Variants in PAH observed in about 807,000 individuals in gnomAD.
The protein encoded by PAH is phenylalanine hydroxylase, also known as phenylalanine-4-hydroxylase.
PAH carries 64 observed loss-of-function variants against 62.0 expected under a neutral mutation model. The ratio of observed to expected loss-of-function variants is 1.03; its 90% CI spans 0.84 to 1.27. The LOEUF (loss-of-function observed/expected upper bound fraction) is 1.27. PAH is among the 50% of genes most tolerant of loss of function. The pLI, the probability that PAH is intolerant of heterozygous loss-of-function variation, is 0.00. For missense variants in PAH, 579 were observed against 542.8 expected (o/e 1.07, Z -0.66); for synonymous variants, 195 against 196.2 (o/e 0.99, Z 0.05).
rs1874475638 is a variant in PAH, at chr12:102,839,033, A to G, written c.*142T>C. 6.8e-6 allele frequency: 5 copies of G among 730,602 alleles called. No homozygotes were observed. The highest frequency in any genetic ancestry group is 1.2e-5 in the Non-Finnish European group (5 of 414,140). 45.3% of individuals were successfully genotyped at this position (730,602 alleles called of 1,614,324 possible). On this transcript the variant is annotated 3_prime_UTR_variant, in exon 13 of 13. Coordinates refer to ENST00000553106, the MANE Select transcript of PAH (RefSeq NM_000277.3). ...CTGTCATTTCAGATTATTTTGACTT[A>G]TTTGTTGTTTCTCCATCTTGTAAAG...
At chr12:102,895,867 A>AAAT (rs1877479428) in intron 2 of PAH, among the ~76,000 whole-genome samples, 1 of 126,284 alleles carries the variant, frequency 7.9e-6, no homozygotes, top group African/African-American at 3.8e-5. Context: ...AAAAAAAAAA[A>AAAT]AAATATATAT....
In PAH at chr12:102,899,858, C is replaced by CAAAAAAAA. The variant is rs1166069532; in HGVS notation, c.169-4948_169-4941dup. Among the ~76,000 whole-genome samples the CAAAAAAAA allele has an allele frequency of 3.8e-3, 36 of 9,538 alleles. 2 individuals are homozygous for CAAAAAAAA. Among genetic ancestry groups the CAAAAAAAA allele is most frequent in the Admixed American group, 8.2e-3 (3 of 364 alleles). The allele number at this position is 9,538 out of a possible 152,430, so 6.3% of individuals were successfully genotyped here. A position where few individuals can be genotyped will look rare whatever the true frequency, so the allele number is the denominator to read the frequency against. ...TGGGCGACAGAGCGAGACTCCGTCTCAAAAAAAAAAAAAAAAAAAAAAAAA... is the reference window on the plus strand; with the variant it reads ...TGGGCGACAGAGCGAGACTCCGTCTCAAAAAAAAAAAAAAAAAAAAAAAAAAAAAAAAA... On this transcript the variant is annotated intron_variant, in intron 2 of 12. Coordinates refer to ENST00000553106, the MANE Select transcript of PAH (RefSeq NM_000277.3).
chr12:102,924,856 T>A (rs190820929), intron 1 of PAH, among the ~76,000 whole-genome samples: 24 of 152,136 alleles, frequency 1.6e-4, no homozygotes, highest in Non-Finnish European at 2.6e-4. Context: ...TGTTGCCTAT[T>A]GTGCCCTGAA....
intron 1 of PAH, 45 bp from the exon 2 acceptor site, chr12:102,912,943 G>T (rs889531779): frequency 7.5e-7 from 1 of 1,325,324 alleles, no homozygotes; most frequent in Non-Finnish European, 1.1e-6. Flanking sequence ...CCACAGTTTA[G>T]CAATTCATTC....
At chr12:102,856,544 G>C (rs902571175) in intron 5 of PAH, among the ~76,000 whole-genome samples, 1 of 152,208 alleles carries the variant, frequency 6.6e-6, no homozygotes, top group Non-Finnish European at 1.5e-5. Flanking sequence ...TCTCAAGTGA[G>C]TCCCTGACCC....
At chr12:102,849,881 T>A (rs1210864407) in intron 8 of PAH, among the ~76,000 whole-genome samples, 3 of 152,184 alleles carry the variant, frequency 2.0e-5, no homozygotes, top group African/African-American at 4.8e-5. Flanking sequence ...TCAGGAAACT[T>A]TCAACATGAC....
intron 5 of PAH, among the ~76,000 whole-genome samples, chr12:102,857,052 C>T (rs1472328604): frequency 1.3e-5 from 2 of 152,180 alleles, no homozygotes; most frequent in East Asian, 1.9e-4. Context: ...GAAGTTCGAA[C>T]CCATTGCAAA....
intron 3 of PAH, among the ~76,000 whole-genome samples, chr12:102,893,644 G>C (rs1045327496): frequency 6.6e-6 from 1 of 152,156 alleles, no homozygotes; most frequent in Non-Finnish European, 1.5e-5. Flanking sequence ...AAAAATTGAG[G>C]TCAGGGCAGT....
intron 7 of PAH, chr12:102,852,392 G>T (rs1875191291): frequency 4.2e-6 from 1 of 238,842 alleles, no homozygotes; most frequent in Non-Finnish European, 8.3e-6. Flanking sequence ...AAACACCCAA[G>T]TAAGAAGCAT....
At chr12:102,869,172 T>C (rs1358290158) in intron 4 of PAH, among the ~76,000 whole-genome samples, 4 of 152,224 alleles carry the variant, frequency 2.6e-5, no homozygotes, top group Non-Finnish European at 4.4e-5. Flanking sequence ...GAGATATCCA[T>C]GAACAGTTCT....
chr12:102,894,637 A>T, intron 3 of PAH, 98 bp downstream of exon 3: 1 of 905,728 alleles, frequency 1.1e-6, no homozygotes, highest in Admixed American at 2.0e-5. Flanking sequence ...TATATTAAAT[A>T]TACATATATT....
At chr12:102,958,376 A>G (rs879869637), upstream of PAH, 82 of 1,448,282 alleles carry the variant, frequency 5.7e-5, no homozygotes, top group Non-Finnish European at 7.0e-5. Flanking sequence ...CAGCCGCCGC[A>G]GCGGCAGCGC....
intron 1 of PAH, among the ~76,000 whole-genome samples, chr12:102,948,936 G>A (rs184172091): frequency 3.9e-5 from 6 of 152,184 alleles, no homozygotes; most frequent in African/African-American, 1.4e-4. Context: ...GAACCAAATT[G>A]TATGGAGAAG....
intron 3 of PAH, among the ~76,000 whole-genome samples, chr12:102,885,106 T>C (rs1473527933): frequency 2.6e-5 from 4 of 152,152 alleles, no homozygotes; most frequent in African/African-American, 9.7e-5. Flanking sequence ...TCTCCCACCT[T>C]GAGAAGGAAA....
intron 2 of PAH, among the ~76,000 whole-genome samples, chr12:102,899,988 T>A (rs1477803611): frequency 1.3e-5 from 2 of 151,164 alleles, no homozygotes; most frequent in African/African-American, 4.9e-5. Context: ...TAGGGATGAT[T>A]TTGTTTCCTT....
chr12:102,852,522 A>C (rs1875199205), intron 7 of PAH, among the ~76,000 whole-genome samples: 1 of 152,140 alleles, frequency 6.6e-6, no homozygotes. Context: ...TCCTGTTCTC[A>C]TTTGCAACTT....
At chr12:102,940,237 C>G (rs888888355) in intron 1 of PAH, among the ~76,000 whole-genome samples, 11 of 152,178 alleles carry the variant, frequency 7.2e-5, no homozygotes, top group Admixed American at 6.5e-4. Context: ...GAGAAAGAAC[C>G]AGCATGACAA....
intron 8 of PAH, among the ~76,000 whole-genome samples, chr12:102,850,263 G>A (rs770845269): frequency 6.6e-6 from 1 of 152,172 alleles, no homozygotes; most frequent in African/African-American, 2.4e-5. Flanking sequence ...AAAGTCCAAC[G>A]ATCTTTGAAC....
At chr12:102,839,288 G>T in intron 12 of PAH, 70 bp from the exon 13 acceptor site, 1 of 1,452,384 alleles carries the variant, frequency 6.9e-7, no homozygotes, top group Non-Finnish European at 9.7e-7. Flanking sequence ...TGTCCTCAGT[G>T]CAAAGCACTA....
Sources: gnomAD v4.1 joint callset for allele counts (sites outside exome capture counted in the v4.1 genomes callset) on GRCh38, gnomAD v4.1.1 for gene constraint, MANE v1.5 for transcripts, NCBI Gene and HGNC (gene_info 2026-07-23, HGNC 2026-07-21) for gene names.